The following PCSK6 variants were observed in gnomAD, a reference collection of about 807,000 sequenced individuals.
PCSK6 encodes paired basic amino acid cleaving enzyme 4.
A neutral mutation model predicts 123.3 loss-of-function variants in PCSK6; 85 were observed. That is an observed-to-expected ratio of 0.69 (90% confidence interval 0.58 to 0.83). The LOEUF (loss-of-function observed/expected upper bound fraction) is 0.83, where lower values mean the gene tolerates loss of function less well. Among genes scored for constraint, PCSK6 ranks in the 40% least tolerant of loss-of-function variants. The pLI is 0.00. For missense variants in PCSK6, 1,191 were observed against 1,282.3 expected (o/e 0.93, Z 1.09); for synonymous variants, 508 against 516.0 (o/e 0.98, Z 0.21).
intron 11 of PCSK6, among the ~76,000 whole-genome samples, chr15:101,376,162 A>C (rs939750517): frequency 3.3e-5 from 5 of 152,128 alleles, no homozygotes; most frequent in African/African-American, 1.2e-4. Flanking sequence ...GTGCAATCCT[A>C]GCTCACTGGA....
At chr15:101,488,175 A>G (rs1462422508) in intron 1 of PCSK6, among the ~76,000 whole-genome samples, 1 of 152,182 alleles carries the variant, frequency 6.6e-6, no homozygotes, top group Non-Finnish European at 1.5e-5. Flanking sequence ...ACGGATAACG[A>G]TGAAACTACA....
At chr15:101,332,436 G>C (rs2040391295) in intron 13 of PCSK6, among the ~76,000 whole-genome samples, 1 of 152,184 alleles carries the variant, frequency 6.6e-6, no homozygotes, top group Non-Finnish European at 1.5e-5. Flanking sequence ...GGTAAATCTG[G>C]TGCCAGGCCT....
chr15:101,313,544 C>T, intron 19 of PCSK6, 39 bp from the exon 20 acceptor site: 1 of 1,563,570 alleles, frequency 6.4e-7, no homozygotes, highest in Non-Finnish European at 8.6e-7. Flanking sequence ...TCAGGGATGG[C>T]TGGCAGAAGA....
At chr15:101,306,979 C>T (rs888045382) in intron 21 of PCSK6, among the ~76,000 whole-genome samples, 1 of 152,198 alleles carries the variant, frequency 6.6e-6, no homozygotes, top group Non-Finnish European at 1.5e-5. Flanking sequence ...AACAGATCAG[C>T]AGTGGCTGGG....
In PCSK6 at chr15:101,487,168, C is replaced by T. The variant is rs116118406; in HGVS notation, c.297+2206G>A. 2.4e-3 allele frequency among the ~76,000 whole-genome samples: 368 copies of T among 152,340 alleles called. 2 individuals are homozygous for T. The highest frequency in any genetic ancestry group is 8.6e-3 in the African/African-American group (359 of 41,582). On this transcript the variant is annotated intron_variant, in intron 1 of 21. Transcript: ENST00000611716. Reference sequence around the variant, plus strand: ...CACTTAGAGGGGGGAAAGAAAAGCTCGTTTTGGAATAAAGAGTAATAGGCC... The same window carrying T: ...CACTTAGAGGGGGGAAAGAAAAGCTTGTTTTGGAATAAAGAGTAATAGGCC...
intron 2 of PCSK6, among the ~76,000 whole-genome samples, chr15:101,439,154 C>A (rs2056686553): frequency 6.6e-6 from 1 of 152,102 alleles, no homozygotes; most frequent in African/African-American, 2.4e-5. Flanking sequence ...ATGGCAGGGC[C>A]AGGTTGTACG....
intron 13 of PCSK6, among the ~76,000 whole-genome samples, chr15:101,355,675 T>C (rs531140805): frequency 6.6e-6 from 1 of 152,386 alleles, no homozygotes; most frequent in East Asian, 1.9e-4. Context: ...CCCTTAGTGC[T>C]GACAAAGCCA....
chr15:101,384,065 G>C, intron 10 of PCSK6: 1 of 951,718 alleles, frequency 1.1e-6, no homozygotes, highest in South Asian at 4.9e-5. Flanking sequence ...TATTGGTATA[G>C]GTGGTGTCTC....
rs140015494 is a variant in PCSK6 at position 101,384,218 on chromosome 15, A to G, written c.1414+104T>C. 2.2e-4 allele frequency: 336 copies of G among 1,518,252 alleles called. 1 individual carries two copies. The African/African-American group carries it at 3.5e-3, about 16-fold the overall frequency. The allele number at this position is 1,518,252 out of a possible 1,614,324, so 94.0% of individuals were successfully genotyped here. On this transcript the variant is annotated intron_variant, in intron 10 of 21. Coordinates refer to ENST00000611716, the MANE Select transcript of PCSK6 (RefSeq NM_002570.5). ...AAATTCTTGTGACACACAATTAATA[A>G]TAACAACTAATGCTATTTGGAGAGT... is the stretch of plus-strand genomic sequence containing the variant.
chr15:101,346,831 G>T, intron 13 of PCSK6: 2 of 1,231,458 alleles, frequency 1.6e-6, no homozygotes, highest in South Asian at 8.2e-5. Flanking sequence ...ATACAGAACC[G>T]ACTAAACAAT....
chr15:101,339,515 C>A (rs954886329), intron 13 of PCSK6, among the ~76,000 whole-genome samples: 5 of 152,076 alleles, frequency 3.3e-5, no homozygotes, highest in Non-Finnish European at 7.4e-5. Flanking sequence ...ACAAAAACAC[C>A]CCTATAATTC....
Position 101,324,911 on chromosome 15 carries a change from A to C in PCSK6, c.2316T>G (p.Tyr772Ter). ...TQCLSCRRGF[Y>*]HHQEMNTCVT... ...CACAGGTGTTCATCTCCTGGTGGTG[A>C]TAGAACCCGCGGCGGCAAGACAGGC... The change falls in exon 17 of 22, where the codon TAT becomes TAG. Residue 772 changes from tyrosine (Y) to a stop codon, truncating the protein, a stop_gained. Coordinates refer to ENST00000611716, the MANE Select transcript of PCSK6 (RefSeq NM_002570.5). LOFTEE classifies it high-confidence loss of function. 1 of 1,613,624 alleles carries C rather than the reference A, an allele frequency of 6.2e-7. No individual in the cohort carries two copies. The highest frequency in any genetic ancestry group is 8.5e-7 in the Non-Finnish European group (1 of 1,179,880).
chr15:101,469,271 G>GA (rs1398852689), intron 1 of PCSK6, among the ~76,000 whole-genome samples: 2 of 152,182 alleles, frequency 1.3e-5, no homozygotes, highest in Non-Finnish European at 2.9e-5. Flanking sequence ...AAAGCTGGGG[G>GA]AGAGGATAAT....
chr15:101,405,616 C>G (rs2042749276), intron 6 of PCSK6, among the ~76,000 whole-genome samples: 1 of 151,904 alleles, frequency 6.6e-6, no homozygotes, highest in Non-Finnish European at 1.5e-5. Context: ...CTCCTAAACC[C>G]AATAATATTT....
intron 1 of PCSK6, among the ~76,000 whole-genome samples, chr15:101,482,776 AGTCCTG>A (rs2057921894): frequency 6.6e-6 from 1 of 151,166 alleles, no homozygotes; most frequent in Admixed American, 6.6e-5. Context: ...CCACCTGCTC[AGTCCTG>A]ATTCTGAGTC....
intron 11 of PCSK6, among the ~76,000 whole-genome samples, chr15:101,372,400 A>G (rs1020435945): frequency 2.6e-5 from 4 of 152,264 alleles, no homozygotes; most frequent in African/African-American, 9.6e-5. Context: ...ATAAACAGTG[A>G]TGTAATTCCC....
chr15:101,393,869 GA>G (rs1474247115), intron 7 of PCSK6, among the ~76,000 whole-genome samples: 1 of 152,212 alleles, frequency 6.6e-6, no homozygotes, highest in Non-Finnish European at 1.5e-5. Flanking sequence ...GTCTGGTGGG[GA>G]AAAGAATGAT....
chr15:101,366,401 C>T, intron 12 of PCSK6, 69 bp from the exon 13 acceptor site: 5 of 1,514,588 alleles, frequency 3.3e-6, no homozygotes, highest in Non-Finnish European at 4.5e-6. Flanking sequence ...GGGGCTGGCA[C>T]AAGCAGGGCT....
At chr15:101,488,682 C>T (rs1307372683) in intron 1 of PCSK6, among the ~76,000 whole-genome samples, 1 of 152,112 alleles carries the variant, frequency 6.6e-6, no homozygotes, top group African/African-American at 2.4e-5. Flanking sequence ...GGCAGAAGCC[C>T]CCACACAAAG....
Sources: allele counts gnomAD v4.1 joint callset (sites outside exome capture counted in the v4.1 genomes callset), GRCh38; gene constraint gnomAD v4.1.1; transcripts MANE v1.5; gene names NCBI Gene and HGNC (gene_info 2026-07-23, HGNC 2026-07-21).